MRC2: variants seen among roughly 807,000 people sequenced by gnomAD.
MRC2 encodes mannose receptor C-type 2.
A neutral mutation model predicts 206.2 loss-of-function variants in MRC2; 84 were observed. That is an observed-to-expected ratio of 0.41 (90% CI 0.34 to 0.49). The LOEUF is 0.49. MRC2 is among the 20% of genes least tolerant of loss of function. The pLI is 0.31. For missense variants in MRC2, 1,676 were observed against 2,001.5 expected (o/e 0.84, Z 3.10); for synonymous variants, 798 against 800.0 (o/e 1.00, Z 0.04).
chr17:62,682,168 G>A (rs942439220), intron 19 of MRC2, 67 bp from the exon 20 acceptor site: 4 of 1,444,836 alleles, frequency 2.8e-6, no homozygotes, highest in Non-Finnish European at 2.8e-6. Context: ...GAGGCTGAGT[G>A]TGCTGCCAGC....
In MRC2 at chr17:62,664,253, C is replaced by T. The variant is rs1483860187; in HGVS notation, c.119-295C>T. 1.3e-5 allele frequency among the ~76,000 whole-genome samples: 2 copies of T among 151,982 alleles called. No individual in the cohort carries two copies. Among genetic ancestry groups the T allele is most frequent in the African/African-American group, 4.8e-5 (2 of 41,260 alleles). On this transcript the variant is annotated intron_variant, in intron 1 of 29. Transcript: ENST00000303375. The surrounding 1 kb of genome is among the most constrained non-coding windows in gnomAD (Gnocchi z 4.7). ...GGATTACAGGCGTGAGCCACCGCGCCCGGCCTGGGTTTGCTTTTGAGGGTG... is the reference window on the plus strand; with the variant it reads ...GGATTACAGGCGTGAGCCACCGCGCTCGGCCTGGGTTTGCTTTTGAGGGTG...
chr17:62,629,202 C>T lies in MRC2; in HGVS notation c.118+1282C>T, dbSNP rs575233550. Among the ~76,000 whole-genome samples the T allele has an allele frequency of 4.1e-3, 623 of 152,366 alleles. 4 individuals carry two copies. The highest frequency in any genetic ancestry group is 0.013 in the African/African-American group (554 of 41,592). On this transcript the variant is annotated intron_variant, in intron 1 of 29. Transcript: ENST00000303375. ...TTCCCCTACCTCCTCGCACTCCTGC[C>T]TTCCTCTGCTCCTCTGCGCAGGGCC...
rs1252033059 is a variant in MRC2, at chr17:62,667,612, G to C, written c.1117+79G>C. Reference sequence around the variant, plus strand: ...CAGCCACAGAGCCGTGGCAGGCCCAGCCTCTCCTCCGGTTACCACCACAGC... The same window carrying C: ...CAGCCACAGAGCCGTGGCAGGCCCACCCTCTCCTCCGGTTACCACCACAGC... On this transcript the variant is annotated intron_variant, in intron 6 of 29. Coordinates refer to ENST00000303375, the MANE Select transcript of MRC2 (RefSeq NM_006039.5). The surrounding 1 kb of genome is among the most constrained non-coding windows in gnomAD (Gnocchi z 4.1). 2 of 1,485,402 alleles carry C rather than the reference G, an allele frequency of 1.3e-6. No homozygotes were observed. The highest frequency in any genetic ancestry group is 2.5e-5 in the Admixed American group (1 of 39,382). The allele number at this position is 1,485,402 out of a possible 1,614,324, so 92.0% of individuals were successfully genotyped here. A position where few individuals can be genotyped will look rare whatever the true frequency, so the allele number is the denominator to read the frequency against.
At chr17:62,689,032 G>T in intron 23 of MRC2, 72 bp downstream of exon 23, 1 of 1,237,274 alleles carries the variant, frequency 8.1e-7, no homozygotes, top group Non-Finnish European at 1.2e-6. Flanking sequence ...GACCATGCCA[G>T]GAGGAAGGAA....
At position 62,678,571 on chromosome 17, in the gene MRC2, T is replaced by C. The variant is rs2088922519; in HGVS notation, c.2120T>C (p.Leu707Pro). ...CAGGCCCAGGGGGCCTGCCAGGAGC[T>C]GGGGGCCCAGCTGCTGAGCCTGGCC... ...WVQAQGACQE[L>P]GAQLLSLASY... The change falls in exon 13 of 30, where the codon CTG (leucine) becomes CCG (proline). Residue 707 changes from leucine to proline, a missense_variant. Physicochemically the swap from Leu to Pro is moderately conservative, Grantham distance 98 (BLOSUM62 -3). Transcript: ENST00000303375. 4.3e-6 allele frequency: 7 copies of C among 1,609,502 alleles called. No individual in the cohort carries two copies. Among genetic ancestry groups the C allele is most frequent in the Non-Finnish European group, 5.9e-6 (7 of 1,178,888 alleles).
chr17:62,659,232 C>CCCCCATGGTGAT (rs1461259211), intron 1 of MRC2, among the ~76,000 whole-genome samples: 2 of 152,072 alleles, frequency 1.3e-5, no homozygotes, highest in African/African-American at 2.4e-5. Flanking sequence ...AATGCCATCA[C>CCCCCATGGTGAT]CATGGGGGTT....
In MRC2 at chr17:62,680,794, C is replaced by A; in HGVS notation, c.2474-6C>A. ...CGCCGCTCCCACGCCCGCGCTGCTC[C>A]TGCAGGCCGACGGGAATGGCTGCGC... On this transcript the variant is annotated splice_region_variant and splice_polypyrimidine_tract_variant and intron_variant, in intron 16 of 29. Transcript: ENST00000303375. This position sits in a 1 kb window ranked among gnomAD's most constrained non-coding sequence, Gnocchi z 4.8. 1 of 1,606,360 alleles carries A rather than the reference C, an allele frequency of 6.2e-7. No homozygotes were observed. The highest frequency in any genetic ancestry group is 2.2e-5 in the East Asian group (1 of 44,708).
Position 62,675,749 on chromosome 17 carries a change from C to T in MRC2, c.1570-41C>T. 6.7e-7 allele frequency: 1 copy of T among 1,503,380 alleles called. No homozygotes were observed. The highest frequency in any genetic ancestry group is 9.3e-7 in the Non-Finnish European group (1 of 1,080,072). The allele number at this position is 1,503,380 out of a possible 1,614,324, so 93.1% of individuals were successfully genotyped here. ...TTTATGGGTGAGGGTGGAGAGTCAT[C>T]TTCCCTACAGACACCCCTCTTCTGT... On this transcript the variant is annotated intron_variant, in intron 9 of 29. Transcript: ENST00000303375. This position sits in a 1 kb window ranked among gnomAD's most constrained non-coding sequence, Gnocchi z 4.1.
chr17:62,678,710 G>C, intron 13 of MRC2, 64 bp downstream of exon 13: 3 of 1,570,934 alleles, frequency 1.9e-6, no homozygotes, highest in Non-Finnish European at 8.6e-7. Flanking sequence ...AGGCATGGCC[G>C]ACAGACCCTT....
At chr17:62,681,152 G>C in intron 18 of MRC2, 23 bp downstream of exon 18, 1 of 1,611,394 alleles carries the variant, frequency 6.2e-7, no homozygotes, top group Non-Finnish European at 8.5e-7. Flanking sequence ...GCAGGCAGCA[G>C]ATGTGGAAGG....
Position 62,681,821 on chromosome 17 carries a change from C to G in MRC2, c.2703-16C>G. 3.1e-6 allele frequency: 5 copies of G among 1,604,294 alleles called. No homozygotes were observed. The highest frequency in any genetic ancestry group is 4.3e-6 in the Non-Finnish European group (5 of 1,172,874). On this transcript the variant is annotated splice_polypyrimidine_tract_variant and intron_variant, in intron 18 of 29. Transcript: ENST00000303375. The stretch of plus-strand genomic sequence containing the variant: ...GGGGCCGGTGCTGGAGTTACCTCTG[C>G]TCCATGCCATTGCAGATGGACAGAT...
intron 20 of MRC2, among the ~76,000 whole-genome samples, chr17:62,687,167 T>G (rs145801285): frequency 6.4e-4 from 97 of 152,312 alleles, no homozygotes; most frequent in Middle Eastern, 3.4e-3. Flanking sequence ...CCCTTTCTTT[T>G]TTTTTCTTTT....
At chr17:62,643,351 A>AAAAG (rs2088433612) in intron 1 of MRC2, among the ~76,000 whole-genome samples, 1 of 151,630 alleles carries the variant, frequency 6.6e-6, no homozygotes, top group African/African-American at 2.4e-5. Context: ...AAAAAAAGAA[A>AAAAG]AAGAAAAGAA....
intron 1 of MRC2, among the ~76,000 whole-genome samples, chr17:62,631,306 G>A (rs974277570): frequency 2.6e-5 from 4 of 152,122 alleles, no homozygotes; most frequent in African/African-American, 9.7e-5. Context: ...GCTGGCAGTA[G>A]CTCTTCGGCA....
chr17:62,679,967 G>A lies in MRC2; in HGVS notation c.2298+65G>A, dbSNP rs2088941264. 7 of 1,504,338 alleles carry A rather than the reference G, an allele frequency of 4.7e-6. No individual in the cohort carries two copies. In the South Asian group the frequency reaches 7.4e-5, roughly 16 times the overall value. The allele number at this position is 1,504,338 out of a possible 1,614,324, so 93.2% of individuals were successfully genotyped here. On this transcript the variant is annotated intron_variant, in intron 14 of 29. Coordinates refer to ENST00000303375, the MANE Select transcript of MRC2 (RefSeq NM_006039.5). ...GCTTGGTGGGCGGGGCCTGTTTGGGGCGGGGCCTGGAGGTGGGCGGGTTTT... is the reference window on the plus strand; with the variant it reads ...GCTTGGTGGGCGGGGCCTGTTTGGGACGGGGCCTGGAGGTGGGCGGGTTTT...
intron 1 of MRC2, among the ~76,000 whole-genome samples, chr17:62,648,940 G>A (rs1354380324): frequency 6.6e-6 from 1 of 152,218 alleles, no homozygotes; most frequent in Non-Finnish European, 1.5e-5. Flanking sequence ...ATCAAAAGCA[G>A]TAATGGCCTT....
chr17:62,678,740 G>A (rs890136463), intron 13 of MRC2, 94 bp downstream of exon 13: 1 of 1,547,206 alleles, frequency 6.5e-7, no homozygotes, highest in Admixed American at 2.2e-5. Flanking sequence ...GGGCGAGCAG[G>A]GGGATGGCAG....
At position 62,665,051 on chromosome 17, in the gene MRC2, A is replaced by G. The variant is rs547922647; in HGVS notation, c.520+102A>G. ...GTGACAAGGCCTTTGGCCTCTGTGG[A>G]CCCTTGGCAGTCACATGTTTAATTA... On this transcript the variant is annotated intron_variant, in intron 2 of 29. Coordinates refer to ENST00000303375, the MANE Select transcript of MRC2 (RefSeq NM_006039.5). 9 of 1,274,022 alleles carry G rather than the reference A, an allele frequency of 7.1e-6. No individual in the cohort carries two copies. In the East Asian group the frequency reaches 2.2e-4, roughly 31 times the overall value. 78.9% of individuals were successfully genotyped at this position (1,274,022 alleles called of 1,614,324 possible). A position where few individuals can be genotyped will look rare whatever the true frequency, so the allele number is the denominator to read the frequency against.
chr17:62,686,451 TCAACAACAACAACAACAA>T (rs58330151), intron 20 of MRC2, among the ~76,000 whole-genome samples: 2 of 150,038 alleles, frequency 1.3e-5, no homozygotes, highest in African/African-American at 4.9e-5. Flanking sequence ...AGACTCCATC[TCAACAACAACAACAACAA>T]CAACAACAAC....
Sources: gnomAD v4.1 joint callset for allele counts (sites outside exome capture counted in the v4.1 genomes callset) on GRCh38, gnomAD v4.1.1 for gene constraint, Gnocchi (gnomAD v3.1) non-coding constraint, MANE v1.5 for transcripts, NCBI Gene and HGNC (gene_info 2026-07-23, HGNC 2026-07-21) for gene names.